Variants in FAM200B observed in about 807,000 individuals in gnomAD.
The protein encoded by FAM200B is zinc finger BED-type containing 11.
FAM200B carries 32 observed loss-of-function variants against 33.1 expected under a neutral mutation model. The ratio of observed to expected loss-of-function variants is 0.97; its 90% CI spans 0.73 to 1.30. The LOEUF (loss-of-function observed/expected upper bound fraction) is 1.30, where lower values mean the gene tolerates loss of function less well. Ranked by LOEUF, FAM200B falls within the 50% of genes most tolerant of loss-of-function variation. The pLI is 0.00. For synonymous variants in FAM200B, 240 were observed against 264.8 expected, an observed-to-expected ratio of 0.91 and a Z score of 0.91; for missense variants, 741 against 754.0, an observed-to-expected ratio of 0.98 and a Z score of 0.20.
Position 15,687,239 on chromosome 4 carries a change from A to G in FAM200B, c.262A>G (p.Ile88Val). The G allele has an allele frequency of 1.3e-6, 2 of 1,543,968 alleles. No homozygotes were observed. The highest frequency in any genetic ancestry group is 1.2e-5 in the South Asian group (1 of 81,766). ...TGAAAATGACAGACCTCAGTGTGTT[A>G]TTTGTAATAATATTCTTGCGAATGA... ...PFENDRPQCV[I>V]CNNILANESL... The change falls in exon 2 of 2, where the codon ATT (isoleucine) becomes GTT (valine). Residue 88 changes from isoleucine to valine, a missense_variant. Physicochemically the swap from Ile to Val is conservative, Grantham distance 29. Coordinates refer to ENST00000422728, the MANE Select transcript of FAM200B (RefSeq NM_001145191.2).
the FAM200B span, chr4:15,655,292 A>G: frequency 7.0e-7 from 1 of 1,420,362 alleles, no homozygotes; most frequent in African/African-American, 1.5e-5. Context: ...CGCCATCGCC[A>G]CTGCCTCAGC....
Position 15,688,365 on chromosome 4 carries a change from T to G in FAM200B, c.1388T>G (p.Phe463Cys). The change falls in exon 2 of 2, where the codon TTT becomes TGT. Residue 463 changes from phenylalanine to cysteine, a missense_variant. Transcript: ENST00000422728. ...CAACATGTTGAACGTATCCAGGGAT[T>G]TCGAAAGACATTATTGTTATGGCAA... ...VFQHVERIQG[F>C]RKTLLLWQVR... 1 of 1,550,158 alleles carries G rather than the reference T, an allele frequency of 6.5e-7. No homozygotes were observed. Among genetic ancestry groups the G allele is most frequent in the South Asian group, 1.2e-5 (1 of 84,016 alleles).
chr4:15,645,128 T>G, the FAM200B span, among the ~76,000 whole-genome samples: 1,578 of 151,908 alleles, frequency 0.01, 122 homozygotes, highest in Admixed American at 0.096. Flanking sequence ...ACACCATACC[T>G]CCTAGACTTG....
the FAM200B span, among the ~76,000 whole-genome samples, chr4:15,673,937 T>A: frequency 6.6e-6 from 1 of 152,258 alleles, no homozygotes; most frequent in African/African-American, 2.4e-5. Context: ...CAAGGTTCAC[T>A]GTCCTTCATT....
chr4:15,646,831 A>T, the FAM200B span, among the ~76,000 whole-genome samples: 1 of 151,854 alleles, frequency 6.6e-6, no homozygotes, highest in East Asian at 1.9e-4. Flanking sequence ...TTTGCTGAGA[A>T]TGATGGTTTC....
chr4:15,656,222 C>CA, the FAM200B span: 128 of 456,260 alleles, frequency 2.8e-4, 2 homozygotes, highest in Non-Finnish European at 3.1e-5. Flanking sequence ...AAAACAAGGT[C>CA]ACTAACCCAG....
At chr4:15,643,871 C>G in the FAM200B span, among the ~76,000 whole-genome samples, 1 of 152,206 alleles carries the variant, frequency 6.6e-6, no homozygotes, top group African/African-American at 2.4e-5. Context: ...AAAACTTCGA[C>G]TTACAAAAAC....
chr4:15,688,215 A>T lies in FAM200B; in HGVS notation c.1238A>T (p.Lys413Ile). 1.3e-6 allele frequency: 2 copies of T among 1,550,956 alleles called. No homozygotes were observed. Among genetic ancestry groups the T allele is most frequent in the Non-Finnish European group, 1.7e-6 (2 of 1,146,580 alleles). Residue 413 changes from lysine (K) to isoleucine (I), a missense_variant, in exon 2 of 2, where the codon AAA (lysine) becomes ATA (isoleucine). Physicochemically the swap from Lys to Ile is moderately radical, Grantham distance 102. Coordinates refer to ENST00000422728, the MANE Select transcript of FAM200B (RefSeq NM_001145191.2). ...NEIHFFLIEK[K>I]SHLASIFEDD... is the part of the protein sequence containing the mutation. ...ATTCACTTTTTTCTCATTGAAAAAAAATCTCATTTGGCAAGTATTTTTGAA... is the reference window on the plus strand; with the variant it reads ...ATTCACTTTTTTCTCATTGAAAAAATATCTCATTTGGCAAGTATTTTTGAA...
the FAM200B span, among the ~76,000 whole-genome samples, chr4:15,638,863 G>A: frequency 6.6e-6 from 1 of 152,180 alleles, no homozygotes; most frequent in African/African-American, 2.4e-5. Context: ...TTGCAGAGAA[G>A]AGTACACCAA....
In FAM200B at chr4:15,687,850, TAAAGG is replaced by T. The variant is rs1426152610; in HGVS notation, c.876_880del (p.Lys292AsnfsTer4). 1.9e-6 allele frequency: 3 copies of T among 1,551,122 alleles called. No homozygotes were observed. The African/African-American group carries it at 4.1e-5, about 21-fold the overall frequency. The stretch of plus-strand genomic sequence containing the variant: ...AATATAAATTAAACTGGAAAAACTG[TAAAGG>T]AATTACAAGTGATGGCACAGCAACC... On this transcript the variant is annotated frameshift_variant, in exon 2 of 2. Coordinates refer to ENST00000422728, the MANE Select transcript of FAM200B (RefSeq NM_001145191.2). LOFTEE classifies it high-confidence loss of function.
upstream of FAM200B, among the ~76,000 whole-genome samples, chr4:15,679,038 A>G (rs1012057002): frequency 6.6e-6 from 1 of 151,440 alleles, no homozygotes; most frequent in South Asian, 2.1e-4. Context: ...AAATCTCAAC[A>G]ATTTTTCACC....
chr4:15,648,172 A>G, the FAM200B span, among the ~76,000 whole-genome samples: 4 of 152,184 alleles, frequency 2.6e-5, no homozygotes, highest in South Asian at 2.1e-4. Flanking sequence ...TGATAATTTA[A>G]TAAGTTAATA....
At chr4:15,654,969 G>A in the FAM200B span, among the ~76,000 whole-genome samples, 1 of 151,682 alleles carries the variant, frequency 6.6e-6, no homozygotes, top group Non-Finnish European at 1.5e-5. Context: ...CTCGGCAGGG[G>A]ACGCCGCCCG....
the FAM200B span, among the ~76,000 whole-genome samples, chr4:15,673,874 TC>T: frequency 6.6e-6 from 1 of 152,226 alleles, no homozygotes; most frequent in South Asian, 2.1e-4. Flanking sequence ...TTAGAAATTC[TC>T]CCAAGGCAAT....
rs1292016573 is a variant in FAM200B at position 15,686,915 on chromosome 4, CTTCTT to C, written c.-60_-56del. 2 of 850,970 alleles carry C rather than the reference CTTCTT, an allele frequency of 2.4e-6. No individual in the cohort carries two copies. Among genetic ancestry groups the C allele is most frequent in the African/African-American group, 3.5e-5 (2 of 57,174 alleles). The allele number at this position is 850,970 out of a possible 1,614,324, so 52.7% of individuals were successfully genotyped here. On this transcript the variant is annotated 5_prime_UTR_variant, in exon 2 of 2. The change creates a premature stop within an existing upstream ORF in the 5' untranslated region. Coordinates refer to ENST00000422728, the MANE Select transcript of FAM200B (RefSeq NM_001145191.2). ...TGTTATTTAGACTGTATATTTTTTT[CTTCTT>C]TTTTGAGTTAGTGCCAATTATAACA...
At chr4:15,680,853 A>G (rs1189793737), upstream of FAM200B, among the ~76,000 whole-genome samples, 1 of 149,714 alleles carries the variant, frequency 6.7e-6, no homozygotes, top group East Asian at 1.9e-4. Flanking sequence ...GTAGAATTTA[A>G]AAAAAAACTA....
At chr4:15,663,045 G>A in the FAM200B span, among the ~76,000 whole-genome samples, 9 of 152,136 alleles carry the variant, frequency 5.9e-5, no homozygotes, top group Non-Finnish European at 1.3e-4. Context: ...AATTTGGGTA[G>A]CTTTAAGATG....
the FAM200B span, among the ~76,000 whole-genome samples, chr4:15,660,950 G>A: frequency 2.6e-5 from 4 of 152,018 alleles, no homozygotes; most frequent in South Asian, 2.1e-4. Flanking sequence ...GGTGGCACAC[G>A]CCTGTAGTAC....
chr4:15,643,927 A>G, the FAM200B span, among the ~76,000 whole-genome samples: 1 of 152,182 alleles, frequency 6.6e-6, no homozygotes, highest in Admixed American at 6.5e-5. Flanking sequence ...ATTTTATTAA[A>G]CAGTAATAAA....
Sources: allele counts gnomAD v4.1 joint callset (sites outside exome capture counted in the v4.1 genomes callset), GRCh38; gene constraint gnomAD v4.1.1; transcripts MANE v1.5; gene names NCBI Gene and HGNC (gene_info 2026-07-23, HGNC 2026-07-21).